The following BUB3 variants were observed in gnomAD, a reference collection of about 807,000 sequenced individuals.
BUB3 encodes mitotic checkpoint protein BUB3.
BUB3 carries 22 observed loss-of-function variants against 39.9 expected under a neutral mutation model. The observed-to-expected ratio is 0.55, with a 90% CI of 0.39 to 0.79. The LOEUF is 0.79. BUB3 is among the 30% of genes least tolerant of loss of function. The pLI is 0.00. For missense variants in BUB3, 303 were observed against 415.4 expected, an observed-to-expected ratio of 0.73 and a Z score of 2.35; for synonymous variants, 168 against 155.1, an observed-to-expected ratio of 1.08 and a Z score of -0.62.
At chr10:123,163,669 T>A (rs1215671236) in intron 7 of BUB3, 151 bp from the exon 8 acceptor site, 1 of 639,344 alleles carries the variant, frequency 1.6e-6, no homozygotes, top group Non-Finnish European at 2.7e-6. Context: ...ATATCAGATA[T>A]GCTTTTACAG....
Position 123,164,577 on chromosome 10 carries a change from A to G in BUB3, c.*742A>G. The G allele has an allele frequency of 1.0e-6, 1 of 987,274 alleles. No homozygotes were observed. Among genetic ancestry groups the G allele is most frequent in the Non-Finnish European group, 1.2e-6 (1 of 831,198 alleles). 61.2% of individuals were successfully genotyped at this position (987,274 alleles called of 1,614,324 possible). ...AGCATATCTGTGTATTTGGAAAAAT[A>G]ATTGTAACGTAATTGCAGTGCATTT... On this transcript the variant is annotated 3_prime_UTR_variant, in exon 8 of 8. Coordinates refer to ENST00000368865, the MANE Select transcript of BUB3 (RefSeq NM_004725.4).
chr10:123,164,177 T>G lies in BUB3; in HGVS notation c.*342T>G, dbSNP rs560338669. On this transcript the variant is annotated 3_prime_UTR_variant, in exon 8 of 8. Transcript: ENST00000368865. ...TAAGTGTAATAAAAATCCCTTTGCATTCTTTCTGGACCTTAAATGGTAGAG... is the reference window on the plus strand; with the variant it reads ...TAAGTGTAATAAAAATCCCTTTGCAGTCTTTCTGGACCTTAAATGGTAGAG... The G allele has an allele frequency of 4.5e-5, 46 of 1,020,290 alleles. No homozygotes were observed. The highest frequency in any genetic ancestry group is 3.5e-4 in the South Asian group (8 of 22,888). 63.2% of individuals were successfully genotyped at this position (1,020,290 alleles called of 1,614,324 possible). A position where few individuals can be genotyped will look rare whatever the true frequency, so the allele number is the denominator to read the frequency against.
chr10:123,160,056 A>G (rs1844400613), intron 4 of BUB3, among the ~76,000 whole-genome samples: 1 of 152,206 alleles, frequency 6.6e-6, no homozygotes, highest in African/African-American at 2.4e-5. Flanking sequence ...CTCATTTTTG[A>G]ATTTTTTTTT....
In BUB3 at chr10:123,166,928, T is replaced by A. The variant is rs1278099714; in HGVS notation, c.*3093T>A. 2 of 152,218 alleles carry A rather than the reference T, an allele frequency of 1.3e-5. No individual in the cohort carries two copies. The highest frequency in any genetic ancestry group is 2.9e-5 in the Non-Finnish European group (2 of 68,040). 9.4% of individuals were successfully genotyped at this position (152,218 alleles called of 1,614,324 possible). A position where few individuals can be genotyped will look rare whatever the true frequency, so the allele number is the denominator to read the frequency against. ...AGTTTAGCCTTAGCATTCAAACCCTTCATTGTTTTTCCTCCATTATCTGTT... is the reference window on the plus strand; with the variant it reads ...AGTTTAGCCTTAGCATTCAAACCCTACATTGTTTTTCCTCCATTATCTGTT... On this transcript the variant is annotated 3_prime_UTR_variant, in exon 8 of 8. Transcript: ENST00000368865.
intron 5 of BUB3, among the ~76,000 whole-genome samples, chr10:123,161,130 A>G (rs188255520): frequency 6.6e-6 from 1 of 152,234 alleles, no homozygotes; most frequent in Non-Finnish European, 1.5e-5. Context: ...ATCATCGCTA[A>G]ATGATATTAG....
chr10:123,154,741 C>G (rs1024513684), intron 1 of BUB3, 177 bp from the exon 2 acceptor site: 11 of 660,268 alleles, frequency 1.7e-5, no homozygotes, highest in East Asian at 3.2e-5. Flanking sequence ...CGGCGGGGGC[C>G]GGATGATGGG....
intron 1 of BUB3, 156 bp from the exon 2 acceptor site, chr10:123,154,762 A>T (rs1844324168): frequency 1.3e-6 from 1 of 774,262 alleles, no homozygotes; most frequent in African/African-American, 1.8e-5. Flanking sequence ...GCGAGTCCGG[A>T]CCTTGGCGGG....
At position 123,162,387 on chromosome 10, in the gene BUB3, A is replaced by G. The variant is rs1844436697; in HGVS notation, c.728A>G (p.His243Arg). Residue 243 changes from histidine (H) to arginine (R), a missense_variant, in exon 6 of 8, where the codon CAC (histidine) becomes CGC (arginine). Physicochemically the swap from His to Arg is conservative, Grantham distance 29. Transcript: ENST00000368865. ...TACCCAGTCAATGCCATTTCTTTTC[A>G]CAATATCCACAATACATTTGCCACA... The part of the protein sequence containing the change: ...QIYPVNAISF[H>R]NIHNTFATGG... 6.2e-7 allele frequency: 1 copy of G among 1,614,076 alleles called. No individual in the cohort carries two copies. The highest frequency in any genetic ancestry group is 8.5e-7 in the Non-Finnish European group (1 of 1,179,994).
At chr10:123,162,496 G>C in intron 6 of BUB3, 83 bp downstream of exon 6, 5 of 1,561,948 alleles carry the variant, frequency 3.2e-6, no homozygotes, top group Non-Finnish European at 3.5e-6. Context: ...AAAAAAATCT[G>C]TACAGTGCTT....
At chr10:123,163,737 C>T (rs1341204591) in intron 7 of BUB3, 83 bp from the exon 8 acceptor site, 3 of 1,275,348 alleles carry the variant, frequency 2.4e-6, no homozygotes, top group African/African-American at 1.5e-5. Flanking sequence ...GCTGTGTTTG[C>T]ATTTAATCTG....
chr10:123,162,907 G>A (rs760984169), intron 7 of BUB3, 79 bp downstream of exon 7: 10 of 1,355,368 alleles, frequency 7.4e-6, no homozygotes, highest in Non-Finnish European at 9.3e-6. Flanking sequence ...TTCATGAATA[G>A]CATTGTTGAT....
chr10:123,160,259 T>C, intron 4 of BUB3, 148 bp from the exon 5 acceptor site: 1 of 610,210 alleles, frequency 1.6e-6, no homozygotes, highest in Non-Finnish European at 2.7e-6. Flanking sequence ...GTTTGAATAA[T>C]TGCAGTATCT....
rs181467834 is a variant in BUB3, at chr10:123,166,834, T to C, written c.*2999T>C. On this transcript the variant is annotated 3_prime_UTR_variant, in exon 8 of 8. Transcript: ENST00000368865. ...TCTGTTGTGTAAAAACTTAAAGGTA[T>C]ATTAGCAGGTTAGCCTTTGTTCTGT... 7 of 152,332 alleles carry C rather than the reference T, an allele frequency of 4.6e-5. No individual in the cohort carries two copies. Among genetic ancestry groups the C allele is most frequent in the African/African-American group, 1.7e-4 (7 of 41,568 alleles). The allele number at this position is 152,332 out of a possible 1,614,324, so 9.4% of individuals were successfully genotyped here. A position where few individuals can be genotyped will look rare whatever the true frequency, so the allele number is the denominator to read the frequency against.
chr10:123,155,293 A>G (rs1844335562), intron 2 of BUB3, among the ~76,000 whole-genome samples, 181 bp downstream of exon 2: 1 of 152,200 alleles, frequency 6.6e-6, no homozygotes, highest in Admixed American at 6.5e-5. Context: ...ACATGCAGAC[A>G]TTGGAAACTC....
chr10:123,163,193 CA>C lies in BUB3; in HGVS notation c.971+370del, dbSNP rs1844447822. The C allele has an allele frequency of 9.3e-6, 2 of 215,266 alleles. 1 individual carries two copies. The highest frequency in any genetic ancestry group is 1.2e-4 in the Admixed American group (2 of 16,206). 13.3% of individuals were successfully genotyped at this position (215,266 alleles called of 1,614,324 possible). A position where few individuals can be genotyped will look rare whatever the true frequency, so the allele number is the denominator to read the frequency against. ...TAAGATGTTTAAGAATTTGAACTGC[CA>C]AAAATCTTTCCTCTCCACAGAGGTT... is the stretch of plus-strand genomic sequence containing the variant. On this transcript the variant is annotated intron_variant, in intron 7 of 7. Transcript: ENST00000368865.
rs892313156 is a variant in BUB3, at chr10:123,160,307, A to AT, written c.418-94dup. On this transcript the variant is annotated intron_variant, in intron 4 of 7. Coordinates refer to ENST00000368865, the MANE Select transcript of BUB3 (RefSeq NM_004725.4). ...TGTGATTGGGGAATTCAGTCAGCTA[A>AT]TTTTTTATGGTCTTATGATCAGATG... 12 of 1,142,792 alleles carry AT rather than the reference A, an allele frequency of 1.1e-5. No homozygotes were observed. In the African/African-American group the frequency reaches 1.6e-4, roughly 15 times the overall value. The allele number at this position is 1,142,792 out of a possible 1,614,324, so 70.8% of individuals were successfully genotyped here. A position where few individuals can be genotyped will look rare whatever the true frequency, so the allele number is the denominator to read the frequency against.
chr10:123,162,349 T>C lies in BUB3; in HGVS notation c.690T>C (p.Asn230=), dbSNP rs1389961091. ...AFKCHRLKEN[N]IEQIYPVNAI... is the part of the protein sequence containing the mutation. ...AATGTCACAGACTAAAAGAAAATAA[T>C]ATTGAGCAGATTTACCCAGTCAATG... The change falls in exon 6 of 8, where the codon AAT becomes AAC. Residue 230 remains asparagine (N), a synonymous_variant. Transcript: ENST00000368865. 6.2e-7 allele frequency: 1 copy of C among 1,613,976 alleles called. No homozygotes were observed. The highest frequency in any genetic ancestry group is 8.5e-7 in the Non-Finnish European group (1 of 1,179,992).
chr10:123,154,971 C>T lies in BUB3; in HGVS notation c.54C>T (p.Ser18=), dbSNP rs1459210602. The change falls in exon 2 of 8, where the codon TCC becomes TCT. Residue 18 remains serine (S), a synonymous_variant. Coordinates refer to ENST00000368865, the MANE Select transcript of BUB3 (RefSeq NM_004725.4). The part of the protein sequence containing the change: ...KLNQPPEDGI[S]SVKFSPNTSQ... ...ACCAGCCACCCGAGGATGGCATCTC[C>T]TCCGTGAAGTTCAGCCCCAACACCT... 1.2e-6 allele frequency: 2 copies of T among 1,614,176 alleles called. No individual in the cohort carries two copies. Among genetic ancestry groups the T allele is most frequent in the South Asian group, 1.1e-5 (1 of 91,084 alleles).
chr10:123,154,729 CGCG>C, intron 1 of BUB3, 186 bp from the exon 2 acceptor site: 1 of 611,852 alleles, frequency 1.6e-6, no homozygotes. Flanking sequence ...CCGGTTTGGG[CGCG>C]GCGGGGGCCG....
Sources: gnomAD v4.1 joint callset for allele counts (sites outside exome capture counted in the v4.1 genomes callset) on GRCh38, gnomAD v4.1.1 for gene constraint, MANE v1.5 for transcripts, NCBI Gene and HGNC (gene_info 2026-07-23, HGNC 2026-07-21) for gene names.